CBFA2T3: variants seen among roughly 807,000 people sequenced by gnomAD.
The protein encoded by CBFA2T3 is transcriptional corepressor CBFA2T3.
Under a neutral mutation model 58.6 loss-of-function variants are expected in CBFA2T3, and 31 were observed. That is an observed-to-expected ratio of 0.53 (90% CI 0.40 to 0.71). The LOEUF (loss-of-function observed/expected upper bound fraction) is 0.71, where lower values mean the gene tolerates loss of function less well. CBFA2T3 is among the 30% of genes least tolerant of loss of function. CBFA2T3 has a pLI of 0.00. For missense variants in CBFA2T3, 1,076 were observed against 963.1 expected, an observed-to-expected ratio of 1.12 and a Z score of -1.55; for synonymous variants, 531 against 421.9, an observed-to-expected ratio of 1.26 and a Z score of -3.17.
chr16:88,929,127 C>T (rs1297629200), intron 1 of CBFA2T3, among the ~76,000 whole-genome samples: 2 of 152,172 alleles, frequency 1.3e-5, no homozygotes, highest in East Asian at 1.9e-4. Context: ...AAACCAGGTA[C>T]AGAATCTGGC....
At chr16:88,888,926 G>A (rs1416695974) in intron 5 of CBFA2T3, among the ~76,000 whole-genome samples, 2 of 151,824 alleles carry the variant, frequency 1.3e-5, no homozygotes, top group African/African-American at 2.4e-5. Context: ...GGCCGCGGGC[G>A]GCACCTGCTG....
chr16:88,879,798 C>A, intron 10 of CBFA2T3: 1 of 282,092 alleles, frequency 3.5e-6, no homozygotes, highest in Non-Finnish European at 6.7e-6. Context: ...GCACTGCACC[C>A]CTGCAGGGCA....
intron 1 of CBFA2T3, among the ~76,000 whole-genome samples, chr16:88,933,759 C>T (rs1282184316): frequency 2.1e-5 from 3 of 142,044 alleles, no homozygotes; most frequent in East Asian, 2.1e-4. Flanking sequence ...ACGCCTCACA[C>T]GCCTCACAGT....
In CBFA2T3 at chr16:88,958,146, C is replaced by T. The variant is rs1021390534; in HGVS notation, c.151+18511G>A. Among the ~76,000 whole-genome samples the T allele has an allele frequency of 1.3e-5, 2 of 152,184 alleles. No homozygotes were observed. The highest frequency in any genetic ancestry group is 4.8e-5 in the African/African-American group (2 of 41,440). On this transcript the variant is annotated intron_variant, in intron 1 of 11. Coordinates refer to ENST00000268679, the MANE Select transcript of CBFA2T3 (RefSeq NM_005187.6). This position sits in a 1 kb window ranked among gnomAD's most constrained non-coding sequence, Gnocchi z 4.0. ...GGATGGGTGTCAAGGCCGTGCACACCCACGAGGCCGTAGGAAGCCTGGTCA... is the reference window on the plus strand; with the variant it reads ...GGATGGGTGTCAAGGCCGTGCACACTCACGAGGCCGTAGGAAGCCTGGTCA...
intron 1 of CBFA2T3, among the ~76,000 whole-genome samples, chr16:88,920,111 G>A (rs1036615635): frequency 6.6e-5 from 10 of 152,136 alleles, no homozygotes; most frequent in African/African-American, 2.2e-4. Context: ...GGCGGTGTGC[G>A]CCCGAGGCCT....
At chr16:88,878,687 T>C (rs1173451944) in intron 11 of CBFA2T3, among the ~76,000 whole-genome samples, 1 of 152,236 alleles carries the variant, frequency 6.6e-6, no homozygotes, top group Non-Finnish European at 1.5e-5. Context: ...GGCTCGCTTC[T>C]GTCATCCCAG....
Position 88,958,234 on chromosome 16 carries a change from A to G in CBFA2T3, c.151+18423T>C, listed in dbSNP as rs1972280832. The stretch of plus-strand genomic sequence containing the variant: ...GAGGAAAGGGCCCTGGGCACAGGCT[A>G]TGGCAGAAGAGCTTCGAGAGCCCAA... On this transcript the variant is annotated intron_variant, in intron 1 of 11. Transcript: ENST00000268679. The surrounding 1 kb of genome is among the most constrained non-coding windows in gnomAD (Gnocchi z 4.0). Among the ~76,000 whole-genome samples the G allele has an allele frequency of 6.6e-6, 1 of 152,064 alleles. No homozygotes were observed. The highest frequency in any genetic ancestry group is 2.1e-4 in the South Asian group (1 of 4,834).
intron 1 of CBFA2T3, among the ~76,000 whole-genome samples, chr16:88,919,662 C>G (rs570928724): frequency 6.6e-6 from 1 of 152,176 alleles, no homozygotes; most frequent in African/African-American, 2.4e-5. Context: ...GCAGCCTCTC[C>G]GCGGAGTCCC....
At chr16:88,975,136 C>A (rs1378624047) in intron 1 of CBFA2T3, among the ~76,000 whole-genome samples, 1 of 124,798 alleles carries the variant, frequency 8.0e-6, no homozygotes, top group African/African-American at 2.9e-5. Flanking sequence ...CTGCTCCTGA[C>A]CTGCAGCCAT....
At position 88,898,068 on chromosome 16, in the gene CBFA2T3, T is replaced by C. The variant is rs372703779; in HGVS notation, c.379+10A>G. ...CTGGGGAGGCCTGCGGTTTTTGTTA[T>C]TTTACTTACAGAGACAGACCATAGA... is the stretch of plus-strand genomic sequence containing the variant. On this transcript the variant is annotated intron_variant, in intron 3 of 11. Coordinates refer to ENST00000268679, the MANE Select transcript of CBFA2T3 (RefSeq NM_005187.6). The C allele has an allele frequency of 1.2e-6, 2 of 1,609,238 alleles. No individual in the cohort carries two copies. Among genetic ancestry groups the C allele is most frequent in the East Asian group, 2.2e-5 (1 of 44,884 alleles).
intron 3 of CBFA2T3, among the ~76,000 whole-genome samples, chr16:88,893,659 G>A (rs1413485702): frequency 6.6e-6 from 1 of 152,246 alleles, no homozygotes; most frequent in Non-Finnish European, 1.5e-5. Flanking sequence ...GCGCGCTGCA[G>A]GGCCGCCTGT....
intron 7 of CBFA2T3, chr16:88,884,602 T>G (rs1322133338): frequency 6.2e-6 from 1 of 160,550 alleles, no homozygotes; most frequent in Non-Finnish European, 1.4e-5. Context: ...AGAGACTCTG[T>G]GCCCCTCTCC....
intron 2 of CBFA2T3, among the ~76,000 whole-genome samples, chr16:88,898,366 C>T (rs1969968854): frequency 6.6e-6 from 1 of 152,158 alleles, no homozygotes; most frequent in Non-Finnish European, 1.5e-5. Context: ...AGACTCTGCC[C>T]TCAGGGACGC....
intron 1 of CBFA2T3, among the ~76,000 whole-genome samples, chr16:88,920,473 C>A (rs1422693683): frequency 1.3e-5 from 2 of 148,438 alleles, no homozygotes; most frequent in Non-Finnish European, 3.0e-5. Flanking sequence ...TAAATAGAGA[C>A]TGGGTTTCAC....
chr16:88,927,847 C>T (rs1244435627), intron 1 of CBFA2T3, among the ~76,000 whole-genome samples: 1 of 152,230 alleles, frequency 6.6e-6, no homozygotes, highest in Non-Finnish European at 1.5e-5. Flanking sequence ...TCCCCTCCTG[C>T]TGGGCTGCAC....
Position 88,892,366 on chromosome 16 carries a change from G to C in CBFA2T3, c.499C>G (p.Pro167Ala), listed in dbSNP as rs375762711. 8.1e-6 allele frequency: 13 copies of C among 1,613,496 alleles called. No individual in the cohort carries two copies. Among genetic ancestry groups the C allele is most frequent in the South Asian group, 1.1e-5 (1 of 91,078 alleles). ...TASLSTQHLP[P>A]ACGARQLSKL... ...CTGAGCTGCCGGGCCCCGCAGGCTG[G>C]GGGCAGGTGCTGTGTGGACAAGGAG... Residue 167 changes from proline (P) to alanine (A), a missense_variant, in exon 4 of 12, where the codon CCA (proline) becomes GCA (alanine). Physicochemically the swap from Pro to Ala is conservative, Grantham distance 27. Coordinates refer to ENST00000268679, the MANE Select transcript of CBFA2T3 (RefSeq NM_005187.6).
chr16:88,966,962 T>A (rs1388849606), intron 1 of CBFA2T3, among the ~76,000 whole-genome samples: 2 of 152,210 alleles, frequency 1.3e-5, no homozygotes, highest in East Asian at 3.8e-4. Context: ...GCCAATGTCT[T>A]GTGTTTGCCT....
At chr16:88,968,509 G>T (rs571114710) in intron 1 of CBFA2T3, among the ~76,000 whole-genome samples, 8 of 152,376 alleles carry the variant, frequency 5.3e-5, no homozygotes, top group African/African-American at 1.9e-4. Context: ...GCCCCTGGGG[G>T]CCGAGAGCAG....
chr16:88,926,597 G>C (rs956430637), intron 1 of CBFA2T3, among the ~76,000 whole-genome samples: 1 of 152,230 alleles, frequency 6.6e-6, no homozygotes, highest in African/African-American at 2.4e-5. Context: ...CTTTGTGTCA[G>C]GACAGCGTGG....
Sources: gnomAD v4.1 joint callset for allele counts (sites outside exome capture counted in the v4.1 genomes callset) on GRCh38, gnomAD v4.1.1 for gene constraint, Gnocchi (gnomAD v3.1) non-coding constraint, MANE v1.5 for transcripts, NCBI Gene and HGNC (gene_info 2026-07-23, HGNC 2026-07-21) for gene names.